TTC34: variants seen among roughly 807,000 people sequenced by gnomAD.
TTC34 encodes tetratricopeptide repeat domain 34.
TTC34 carries 44 observed loss-of-function variants against 40.7 expected under a neutral mutation model. The observed-to-expected ratio is 1.08, with a 90% confidence interval of 0.85 to 1.39. The LOEUF (loss-of-function observed/expected upper bound fraction) is 1.39, where lower values mean the gene tolerates loss of function less well. Among genes scored for constraint, TTC34 ranks in the 40% most tolerant of loss-of-function variants. The pLI, the probability that TTC34 is intolerant of heterozygous loss-of-function variation, is 0.00. For missense variants in TTC34, 884 were observed against 838.0 expected (o/e 1.05, Z -0.68); for synonymous variants, 422 against 398.6 (o/e 1.06, Z -0.70).
chr1:2,655,048 C>T (rs796949836), intron 6 of TTC34, among the ~76,000 whole-genome samples: 1 of 113,884 alleles, frequency 8.8e-6, no homozygotes, highest in African/African-American at 3.0e-5. Context: ...GAACAGCACG[C>T]TGCACCCCCA....
At position 2,691,985 on chromosome 1, in the gene TTC34, C is replaced by G. The variant is rs1324992380; in HGVS notation, c.2227-46422G>C. On this transcript the variant is annotated intron_variant, in intron 6 of 8. Transcript: ENST00000401095. The stretch of plus-strand genomic sequence containing the variant: ...TGACAGACTGGAACAGCTCCCACAC[C>G]CCCAGGCGAGCATCTGACAGCATGT... Among the ~76,000 whole-genome samples the G allele has an allele frequency of 2.5e-5, 2 of 79,570 alleles. 1 individual carries two copies. Among genetic ancestry groups the G allele is most frequent in the African/African-American group, 8.5e-5 (2 of 23,620 alleles). The allele number at this position is 79,570 out of a possible 152,430, so 52.2% of individuals were successfully genotyped here.
At chr1:2,779,472 T>C (rs112520035) in intron 6 of TTC34, among the ~76,000 whole-genome samples, 10,999 of 152,010 alleles carry the variant, frequency 0.072, 926 homozygotes, top group African/African-American at 0.21. Flanking sequence ...TACAGGCGCG[T>C]GCCACCACGC....
In TTC34 at chr1:2,660,530, A is replaced by C. The variant is rs1639510242; in HGVS notation, c.2227-14967T>G. On this transcript the variant is annotated intron_variant, in intron 6 of 8. Coordinates refer to ENST00000401095, the Ensembl canonical transcript of TTC34. ...CCACACACCGAGGTGAGCATCTGAC[A>C]ACAGGGAGCAGCACCCATAGCCCAT... Among the ~76,000 whole-genome samples, 4 of 24,864 alleles carry C rather than the reference A, an allele frequency of 1.6e-4. 2 individuals are homozygous for C. The highest frequency in any genetic ancestry group is 3.6e-4 in the Non-Finnish European group (4 of 11,002). 16.3% of individuals were successfully genotyped at this position (24,864 alleles called of 152,430 possible).
intron 6 of TTC34, among the ~76,000 whole-genome samples, chr1:2,752,974 C>T (rs1337555354): frequency 0.043 from 3,200 of 73,824 alleles, 1 homozygote; most frequent in African/African-American, 0.067. Flanking sequence ...AACACCCATA[C>T]CCCCAGGTGA....
intron 6 of TTC34, among the ~76,000 whole-genome samples, chr1:2,760,193 C>G: frequency 8.0e-6 from 1 of 124,572 alleles, no homozygotes; most frequent in Non-Finnish European, 1.6e-5. Context: ...CCCGGAGCAG[C>G]ACCCATACCC....
intron 6 of TTC34, among the ~76,000 whole-genome samples, chr1:2,694,989 G>A (rs1472063031): frequency 1.3e-4 from 19 of 142,516 alleles, no homozygotes; most frequent in African/African-American, 1.9e-4. Context: ...GCAGCACCCT[G>A]CACCCCCAGG....
At chr1:2,760,361 C>A (rs1641656786) in intron 6 of TTC34, among the ~76,000 whole-genome samples, 1 of 42,160 alleles carries the variant, frequency 2.4e-5, no homozygotes, top group Admixed American at 2.3e-4. Context: ...CAGCACCCCA[C>A]ACCCCAAGGT....
At chr1:2,797,872 C>T (rs193037276) in intron 2 of TTC34, among the ~76,000 whole-genome samples, 1 of 152,156 alleles carries the variant, frequency 6.6e-6, no homozygotes, top group East Asian at 1.9e-4. Context: ...CTTCTCTGTG[C>T]CTGTCTCTCC....
Position 2,750,044 on chromosome 1 carries a change from C to T in TTC34, c.2226+33565G>A, listed in dbSNP as rs1275401749. Among the ~76,000 whole-genome samples, 2 of 101,796 alleles carry T rather than the reference C, an allele frequency of 2.0e-5. 1 individual carries two copies. Among genetic ancestry groups the T allele is most frequent in the Non-Finnish European group, 3.9e-5 (2 of 51,844 alleles). The allele number at this position is 101,796 out of a possible 152,430, so 66.8% of individuals were successfully genotyped here. On this transcript the variant is annotated intron_variant, in intron 6 of 8. Transcript: ENST00000401095. ...CCGACAGCCTGGAGCAGCACCCACACCCTCAGGTGAGCATCTGACAGCCTG... is the reference window on the plus strand; with the variant it reads ...CCGACAGCCTGGAGCAGCACCCACATCCTCAGGTGAGCATCTGACAGCCTG...
chr1:2,699,290 C>A (rs4648687), intron 6 of TTC34, among the ~76,000 whole-genome samples: 41 of 146,258 alleles, frequency 2.8e-4, no homozygotes, highest in Admixed American at 4.2e-4. Flanking sequence ...AGCACCCACA[C>A]CCCCAGGCGA....
chr1:2,790,132 C>A (rs1210297646), exon 3 of TTC34: 5 of 398,322 alleles, frequency 1.3e-5, no homozygotes, highest in Non-Finnish European at 2.2e-5. Flanking sequence ...GCACGGCTTC[C>A]TGGAAGCGGG....
At chr1:2,653,710 G>T (rs1274942879) in intron 6 of TTC34, among the ~76,000 whole-genome samples, 50 of 150,458 alleles carry the variant, frequency 3.3e-4, no homozygotes, top group African/African-American at 1.2e-3. Context: ...GCATCTGATG[G>T]TCTGGAGCAG....
At chr1:2,694,101 C>A (rs1217915243) in intron 6 of TTC34, among the ~76,000 whole-genome samples, 2 of 134,754 alleles carry the variant, frequency 1.5e-5, no homozygotes, top group Non-Finnish European at 3.2e-5. Flanking sequence ...TGGAACAGCA[C>A]CCTGCACCCC....
chr1:2,698,519 AC>A (rs200427842), intron 6 of TTC34, among the ~76,000 whole-genome samples: 10 of 132,594 alleles, frequency 7.5e-5, no homozygotes, highest in Admixed American at 2.2e-4. Flanking sequence ...CTGAAGCAGC[AC>A]CCCACACCCC....
chr1:2,800,455 A>T (rs2100639391), exon 2 of TTC34: 1 of 398,506 alleles, frequency 2.5e-6, no homozygotes, highest in Non-Finnish European at 4.4e-6. Context: ...AGGGCGCTGC[A>T]GCGTTGCACC....
intron 6 of TTC34, among the ~76,000 whole-genome samples, chr1:2,753,065 G>A (rs1327409522): frequency 5.3e-5 from 8 of 149,916 alleles, no homozygotes; most frequent in East Asian, 2.0e-4. Flanking sequence ...CCCCAGGTGA[G>A]CATCTGACAG....
intron 6 of TTC34, among the ~76,000 whole-genome samples, chr1:2,752,974 C>G (rs1337555354): frequency 9.1e-5 from 8 of 87,874 alleles, no homozygotes; most frequent in Non-Finnish European, 1.3e-4. Context: ...AACACCCATA[C>G]CCCCAGGTGA....
chr1:2,698,861 A>C (rs1222162408), intron 6 of TTC34, among the ~76,000 whole-genome samples: 1 of 149,430 alleles, frequency 6.7e-6, no homozygotes. Flanking sequence ...CCAGGCGAGC[A>C]TCTGACATCC....
chr1:2,695,137 T>A (rs1180786215), intron 6 of TTC34, among the ~76,000 whole-genome samples: 1 of 109,564 alleles, frequency 9.1e-6, no homozygotes, highest in African/African-American at 3.3e-5. Flanking sequence ...TCTGACAGCG[T>A]GGAACAGCAC....
Sources: gnomAD v4.1 joint callset for allele counts (sites outside exome capture counted in the v4.1 genomes callset) on GRCh38, gnomAD v4.1.1 for gene constraint, MANE v1.5 for transcripts, NCBI Gene and HGNC (gene_info 2026-07-23, HGNC 2026-07-21) for gene names.